The following PPP1R12A variants were observed in gnomAD, a reference collection of about 807,000 sequenced individuals.
PPP1R12A encodes protein phosphatase 1 regulatory subunit 12A.
Under a neutral mutation model 139.6 loss-of-function variants are expected in PPP1R12A, and 19 were observed. That is an observed-to-expected ratio of 0.14 (90% confidence interval 0.09 to 0.20). The LOEUF (loss-of-function observed/expected upper bound fraction) is 0.20, where lower values mean the gene tolerates loss of function less well. Ranked by LOEUF, PPP1R12A falls within the 10% of genes least tolerant of loss-of-function variation. The pLI, the probability that PPP1R12A is intolerant of heterozygous loss-of-function variation, is 1.00. For missense variants in PPP1R12A, 925 were observed against 1,211.5 expected (o/e 0.76, Z 3.51); for synonymous variants, 427 against 420.6 (o/e 1.02, Z -0.19).
chr12:79,790,583 G>T, intron 19 of PPP1R12A, 100 bp from the exon 20 acceptor site: 1 of 801,468 alleles, frequency 1.2e-6, no homozygotes, highest in Non-Finnish European at 1.9e-6. Flanking sequence ...ATCAATAGAA[G>T]CAAACGAATG....
intron 1 of PPP1R12A, among the ~76,000 whole-genome samples, chr12:79,926,557 TTGATA>T (rs1173245097): frequency 6.6e-6 from 1 of 152,224 alleles, no homozygotes; most frequent in African/African-American, 2.4e-5. Context: ...AAGTAAGTGG[TTGATA>T]TAAGCTTTTT....
At chr12:79,925,630 C>T (rs1887781958) in intron 1 of PPP1R12A, among the ~76,000 whole-genome samples, 1 of 152,146 alleles carries the variant, frequency 6.6e-6, no homozygotes, top group Admixed American at 6.5e-5. Flanking sequence ...AATGTCATTT[C>T]AGAAATGCCT....
At chr12:79,871,239 A>G (rs1319739462) in intron 2 of PPP1R12A, among the ~76,000 whole-genome samples, 1 of 152,196 alleles carries the variant, frequency 6.6e-6, no homozygotes, top group Non-Finnish European at 1.5e-5. Flanking sequence ...GTCATTTTAA[A>G]TTGGGTATTC....
intron 1 of PPP1R12A, among the ~76,000 whole-genome samples, chr12:79,874,788 C>A (rs1882942157): frequency 6.6e-6 from 1 of 152,086 alleles, no homozygotes; most frequent in South Asian, 2.1e-4. Flanking sequence ...ATTATTCTCA[C>A]AAAAACCCAC....
At chr12:79,802,585 C>G (rs1281425407) in intron 14 of PPP1R12A, among the ~76,000 whole-genome samples, 1 of 152,060 alleles carries the variant, frequency 6.6e-6, no homozygotes, top group African/African-American at 2.4e-5. Flanking sequence ...GAGTTTGAGA[C>G]CAGCCTAGGC....
rs1454320296 is a variant in PPP1R12A at position 79,877,891 on chromosome 12, A to G, written c.238-4953T>C. Among the ~76,000 whole-genome samples, 6 of 152,126 alleles carry G rather than the reference A, an allele frequency of 3.9e-5. No individual in the cohort carries two copies. In the East Asian group the frequency reaches 1.2e-3, roughly 29 times the overall value. On this transcript the variant is annotated intron_variant, in intron 1 of 24. Transcript: ENST00000450142. The stretch of plus-strand genomic sequence containing the variant: ...CATAGGCTCCAAAACTGTATCCTGA[A>G]TTTTATCCTCAGTATAAGAATATAA...
At chr12:79,861,994 G>C (rs959172494) in intron 2 of PPP1R12A, among the ~76,000 whole-genome samples, 1 of 152,068 alleles carries the variant, frequency 6.6e-6, no homozygotes, top group Admixed American at 6.5e-5. Flanking sequence ...CTCTGTAAAC[G>C]GACAGACTGC....
intron 2 of PPP1R12A, chr12:79,848,722 CAAATGT>C (rs1879699060): frequency 6.6e-6 from 1 of 151,896 alleles, no homozygotes; most frequent in African/African-American, 2.4e-5. Flanking sequence ...CTATTACTTG[CAAATGT>C]AAATGTTACA....
chr12:79,810,082 A>AT, intron 9 of PPP1R12A, 72 bp from the exon 10 acceptor site: 2 of 1,141,160 alleles, frequency 1.8e-6, no homozygotes, highest in Non-Finnish European at 2.5e-6. Flanking sequence ...ATTGGAAACA[A>AT]TAAGTTTACA....
At chr12:79,834,082 G>A (rs1026499377) in intron 3 of PPP1R12A, among the ~76,000 whole-genome samples, 4 of 152,116 alleles carry the variant, frequency 2.6e-5, no homozygotes, top group African/African-American at 9.7e-5. Context: ...GATGCTACAG[G>A]TATAGATGTG....
At chr12:79,804,398 A>G (rs1413803230) in intron 14 of PPP1R12A, among the ~76,000 whole-genome samples, 1 of 152,150 alleles carries the variant, frequency 6.6e-6, no homozygotes. Context: ...GTGGCATTAT[A>G]AAAGTACCAC....
chr12:79,907,901 A>G (rs1227888595), intron 1 of PPP1R12A, among the ~76,000 whole-genome samples: 1 of 152,140 alleles, frequency 6.6e-6, no homozygotes, highest in Non-Finnish European at 1.5e-5. Flanking sequence ...TAGCCTCTAT[A>G]TATTAATCTA....
At chr12:79,778,638 T>TA in intron 23 of PPP1R12A, 38 bp from the exon 24 acceptor site, 1 of 1,335,374 alleles carries the variant, frequency 7.5e-7, no homozygotes, top group Non-Finnish European at 1.0e-6. Context: ...GTTATATAAT[T>TA]ATTATATTCT....
In PPP1R12A at chr12:79,796,905, G is replaced by A; in HGVS notation, c.2338C>T (p.Pro780Ser). The A allele has an allele frequency of 6.2e-7, 1 of 1,612,750 alleles. No individual in the cohort carries two copies. Among genetic ancestry groups the A allele is most frequent in the Non-Finnish European group, 8.5e-7 (1 of 1,179,124 alleles). The part of the protein sequence containing the change: ...RPVSTSSSTT[P>S]SSSLSTMSSS... ...CTCATAGTAGAAAGTGAAGAGGATG[G>A]AGTGGTTGAACTTGAAGTTGATACT... is the stretch of plus-strand genomic sequence containing the variant. The change falls in exon 17 of 25, where the codon CCA becomes TCA. Residue 780 changes from proline (P) to serine (S), a missense_variant. By Grantham distance (74) the Pro-to-Ser change is moderately conservative. This residue lies in a region of PPP1R12A where 315 missense variants were observed against 363.4 expected (regional missense o/e 0.87). Transcript: ENST00000450142.
chr12:79,863,655 A>C (rs1881621819), intron 2 of PPP1R12A, among the ~76,000 whole-genome samples: 1 of 147,452 alleles, frequency 6.8e-6, no homozygotes, highest in South Asian at 2.1e-4. Flanking sequence ...AAAAAAAAAA[A>C]AAAAAAAAAA....
intron 2 of PPP1R12A, among the ~76,000 whole-genome samples, chr12:79,861,626 A>G (rs1026850709): frequency 1.3e-5 from 2 of 152,146 alleles, no homozygotes; most frequent in African/African-American, 4.8e-5. Flanking sequence ...CACTTCTCCC[A>G]TGGTCTTTGC....
chr12:79,919,883 T>TAAAC (rs1428564965), intron 1 of PPP1R12A, among the ~76,000 whole-genome samples: 1 of 152,214 alleles, frequency 6.6e-6, no homozygotes, highest in African/African-American at 2.4e-5. Context: ...CTTTTTTAAA[T>TAAAC]GTTTGAGATA....
At chr12:79,832,123 T>A (rs887945505) in intron 4 of PPP1R12A, among the ~76,000 whole-genome samples, 2 of 152,116 alleles carry the variant, frequency 1.3e-5, no homozygotes, top group Non-Finnish European at 2.9e-5. Context: ...TCACAACTGA[T>A]TAAAAAATAG....
At chr12:79,893,077 C>G (rs1310983886) in intron 1 of PPP1R12A, among the ~76,000 whole-genome samples, 49 of 150,060 alleles carry the variant, frequency 3.3e-4, no homozygotes, top group Non-Finnish European at 3.0e-5. Flanking sequence ...TACTCCCAGC[C>G]TGGGCGACAA....
Sources: gnomAD v4.1 joint callset for allele counts (sites outside exome capture counted in the v4.1 genomes callset) on GRCh38, gnomAD v4.1.1 for gene constraint, gnomAD v4.1.1 regional missense constraint, MANE v1.5 for transcripts, NCBI Gene and HGNC (gene_info 2026-07-23, HGNC 2026-07-21) for gene names.